Variants in FAM169A observed in about 807,000 individuals in gnomAD.
The protein encoded by FAM169A is family with sequence similarity 169 member A, also known as soluble lamin-associated protein of 75 kDa.
A neutral mutation model predicts 75.7 loss-of-function variants in FAM169A; 24 were observed. That is an observed-to-expected ratio of 0.32 (90% CI 0.23 to 0.45). FAM169A has a LOEUF of 0.45. Ranked by LOEUF, FAM169A falls within the 20% of genes least tolerant of loss-of-function variation. The probability of loss-of-function intolerance (pLI) is 1.00; values close to 1 mark genes in which losing one functional copy is unlikely to be tolerated. For missense variants in FAM169A, 673 were observed against 784.0 expected (o/e 0.86, Z 1.69); for synonymous variants, 271 against 271.0 (o/e 1.00, Z 0.00).
At chr5:74,841,431 A>C in intron 2 of FAM169A, 114 bp downstream of exon 2, 2 of 826,650 alleles carry the variant, frequency 2.4e-6, no homozygotes, top group Middle Eastern at 5.4e-4. Flanking sequence ...GATTTCTGTA[A>C]AGATTTCAAA....
Position 74,845,349 on chromosome 5 carries a change from T to C in FAM169A, c.-3-3670A>G, listed in dbSNP as rs931822536. Reference sequence around the variant, plus strand: ...CTGGCTAACACAGTGAAACCCCATCTCTACTAAAAACACAAAAAATTAGCC... The same window carrying C: ...CTGGCTAACACAGTGAAACCCCATCCCTACTAAAAACACAAAAAATTAGCC... On this transcript the variant is annotated intron_variant, in intron 1 of 12. Coordinates refer to ENST00000687041, the MANE Select transcript of FAM169A (RefSeq NM_001376049.1). Among the ~76,000 whole-genome samples the C allele has an allele frequency of 2.0e-5, 3 of 152,014 alleles. No individual in the cohort carries two copies. The East Asian group carries it at 5.8e-4, about 29-fold the overall frequency.
At chr5:74,810,698 C>T (rs529456252) in intron 6 of FAM169A, among the ~76,000 whole-genome samples, 9 of 135,504 alleles carry the variant, frequency 6.6e-5, no homozygotes, top group African/African-American at 2.2e-4. Context: ...TGCAGTGAGC[C>T]GAGTTTGTGC....
rs1194674402 is a variant in FAM169A at position 74,805,524 on chromosome 5, CTTTTTTTTTT to C, written c.671-250_671-241del. Among the ~76,000 whole-genome samples, 512 of 81,950 alleles carry C rather than the reference CTTTTTTTTTT, an allele frequency of 6.2e-3. 12 individuals carry two copies. Among genetic ancestry groups the C allele is most frequent in the African/African-American group, 0.026 (483 of 18,460 alleles). 53.8% of individuals were successfully genotyped at this position (81,950 alleles called of 152,430 possible). A position where few individuals can be genotyped will look rare whatever the true frequency, so the allele number is the denominator to read the frequency against. The stretch of plus-strand genomic sequence containing the variant: ...AAAAATCCTTTAAAAATGTGCTTCG[CTTTTTTTTTT>C]TTTTTTTTTTTTTGGAGATGGAGTC... On this transcript the variant is annotated intron_variant, in intron 6 of 12. Coordinates refer to ENST00000687041, the MANE Select transcript of FAM169A (RefSeq NM_001376049.1).
rs893038953 is a variant in FAM169A, at chr5:74,781,425, A to G, written c.*35T>C. On this transcript the variant is annotated 3_prime_UTR_variant, in exon 13 of 13. Coordinates refer to ENST00000687041, the MANE Select transcript of FAM169A (RefSeq NM_001376049.1). ...ATTTTAAAAACAACAACTATGTTAC[A>G]AAGAAGAGGATTTATCATCCACTTT... The G allele has an allele frequency of 7.0e-6, 11 of 1,574,028 alleles. No homozygotes were observed. In the Admixed American group the frequency reaches 1.2e-4, roughly 18 times the overall value.
At chr5:74,800,723 A>G (rs1430466907) in intron 10 of FAM169A, among the ~76,000 whole-genome samples, 157 bp downstream of exon 10, 1 of 151,122 alleles carries the variant, frequency 6.6e-6, no homozygotes, top group Non-Finnish European at 1.5e-5. Flanking sequence ...AATACCAAAA[A>G]GTATATTAAA....
upstream of FAM169A, chr5:74,866,751 C>T (rs1750369847): frequency 3.0e-6 from 3 of 985,530 alleles, no homozygotes; most frequent in Non-Finnish European, 3.6e-6. Flanking sequence ...TAATGCCGAC[C>T]TTCGCAGGAT....
At chr5:74,800,189 C>T (rs1197345740) in intron 10 of FAM169A, 9 of 304,840 alleles carry the variant, frequency 3.0e-5, no homozygotes, top group African/African-American at 1.1e-4. Context: ...ACACATATCA[C>T]GCCAATATCA....
rs569837528 is a variant in FAM169A, at chr5:74,818,736, C to T, written c.491-4717G>A. On this transcript the variant is annotated intron_variant, in intron 5 of 12. Coordinates refer to ENST00000687041, the MANE Select transcript of FAM169A (RefSeq NM_001376049.1). ...AAGGGCAAAGACAAGATTACAGATA[C>T]GTTTATTATCTTGATTGTGGTGACG... Among the ~76,000 whole-genome samples the T allele has an allele frequency of 3.6e-3, 532 of 146,740 alleles. 5 individuals carry two copies. Among genetic ancestry groups the T allele is most frequent in the African/African-American group, 0.013 (511 of 39,718 alleles).
chr5:74,799,461 G>A, intron 10 of FAM169A: 1 of 1,611,820 alleles, frequency 6.2e-7, no homozygotes, highest in Non-Finnish European at 8.5e-7. Flanking sequence ...ACAATGTTTT[G>A]CTGGCAGCAG....
chr5:74,841,434 AT>A, intron 2 of FAM169A, 110 bp downstream of exon 2: 1 of 847,988 alleles, frequency 1.2e-6, no homozygotes. Context: ...TTCTGTAAAG[AT>A]TTCAAAAATT....
intron 1 of FAM169A, among the ~76,000 whole-genome samples, chr5:74,858,907 T>C (rs539769179): frequency 6.6e-6 from 1 of 152,230 alleles, no homozygotes; most frequent in East Asian, 1.9e-4. Context: ...ACATTAATTA[T>C]TTTCCATTTT....
At chr5:74,782,643 A>T (rs1051280865) in intron 12 of FAM169A, among the ~76,000 whole-genome samples, 3 of 152,238 alleles carry the variant, frequency 2.0e-5, no homozygotes, top group Non-Finnish European at 4.4e-5. Flanking sequence ...AGGTACTCAA[A>T]TATTTGGTAA....
intron 6 of FAM169A, among the ~76,000 whole-genome samples, chr5:74,812,645 A>ACC (rs201284593): frequency 2.7e-3 from 386 of 145,460 alleles, no homozygotes; most frequent in African/African-American, 9.5e-3. Context: ...TAAACAAATA[A>ACC]CCCCCCCCCA....
At chr5:74,799,173 G>C in intron 10 of FAM169A, 1 of 1,117,508 alleles carries the variant, frequency 8.9e-7, no homozygotes, top group East Asian at 2.3e-5. Flanking sequence ...ATATTGACTG[G>C]GCTCCCAAGC....
At chr5:74,790,128 C>A (rs1399969098) in intron 11 of FAM169A, among the ~76,000 whole-genome samples, 2 of 152,230 alleles carry the variant, frequency 1.3e-5, no homozygotes, top group Admixed American at 1.3e-4. Flanking sequence ...GTCTCCACTG[C>A]TGCCACCCTG....
At chr5:74,811,739 G>A (rs1032213015) in intron 6 of FAM169A, among the ~76,000 whole-genome samples, 7 of 152,128 alleles carry the variant, frequency 4.6e-5, no homozygotes, top group Non-Finnish European at 8.8e-5. Context: ...ACCCACTAAT[G>A]GTTTTAAATC....
intron 11 of FAM169A, among the ~76,000 whole-genome samples, chr5:74,784,983 A>G (rs1412832111): frequency 1.3e-5 from 2 of 151,848 alleles, no homozygotes; most frequent in Non-Finnish European, 2.9e-5. Flanking sequence ...CTTATTGATG[A>G]AACAGGTTAC....
Position 74,778,320 on chromosome 5 carries a change from G to T in FAM169A, c.*3140C>A, listed in dbSNP as rs1033565857. 6.6e-6 allele frequency: 1 copy of T among 152,028 alleles called. No individual in the cohort carries two copies. The highest frequency in any genetic ancestry group is 1.5e-5 in the Non-Finnish European group (1 of 67,894). The allele number at this position is 152,028 out of a possible 1,614,324, so 9.4% of individuals were successfully genotyped here. A position where few individuals can be genotyped will look rare whatever the true frequency, so the allele number is the denominator to read the frequency against. On this transcript the variant is annotated 3_prime_UTR_variant, in exon 13 of 13. Coordinates refer to ENST00000687041, the MANE Select transcript of FAM169A (RefSeq NM_001376049.1). ...TGTACATTAAGATCTGTTTCAGTTT[G>T]CTGGTGTGACCAAACCTTAGAAGGT...
chr5:74,817,972 G>GAAAAATGAT (rs1747557915), intron 5 of FAM169A, among the ~76,000 whole-genome samples: 1 of 152,098 alleles, frequency 6.6e-6, no homozygotes, highest in Non-Finnish European at 1.5e-5. Context: ...AATGATGTCA[G>GAAAAATGAT]GTACCTTCCT....
Sources: allele counts gnomAD v4.1 joint callset (sites outside exome capture counted in the v4.1 genomes callset), GRCh38; gene constraint gnomAD v4.1.1; transcripts MANE v1.5; gene names NCBI Gene and HGNC (gene_info 2026-07-23, HGNC 2026-07-21).